TMTC2: variants seen among roughly 807,000 people sequenced by gnomAD.
TMTC2 encodes the protein protein O-mannosyl-transferase TMTC2.
TMTC2 carries 43 observed loss-of-function variants against 82.4 expected under a neutral mutation model. The observed-to-expected ratio is 0.52, with a 90% CI of 0.41 to 0.67. TMTC2 has a LOEUF of 0.67. TMTC2 is among the 30% of genes least tolerant of loss of function. TMTC2 has a pLI of 0.00. For missense variants in TMTC2, 919 were observed against 1,012.4 expected (o/e 0.91, Z 1.25); for synonymous variants, 408 against 381.9 (o/e 1.07, Z -0.80).
At chr12:82,910,469 T>C (rs2137207919) in intron 3 of TMTC2, among the ~76,000 whole-genome samples, 1 of 152,276 alleles carries the variant, frequency 6.6e-6, no homozygotes, top group East Asian at 1.9e-4. Flanking sequence ...TACAGTATGC[T>C]CCTTTAGTTT....
intron 9 of TMTC2, among the ~76,000 whole-genome samples, chr12:83,039,045 C>A (rs1176663640): frequency 6.6e-6 from 1 of 151,344 alleles, no homozygotes; most frequent in South Asian, 2.1e-4. Context: ...GATTCTCCAG[C>A]CTTAGCTTCC....
chr12:82,976,551 T>C (rs1214740904), intron 7 of TMTC2, among the ~76,000 whole-genome samples: 1 of 152,084 alleles, frequency 6.6e-6, no homozygotes, highest in African/African-American at 2.4e-5. Context: ...AATTAAGACT[T>C]GGATAATATT....
chr12:82,720,286 G>A (rs1367016050), intron 1 of TMTC2, among the ~76,000 whole-genome samples: 1 of 152,074 alleles, frequency 6.6e-6, no homozygotes, highest in Non-Finnish European at 1.5e-5. Context: ...AAGTTTGCAT[G>A]TTTTAGAATA....
chr12:82,693,611 T>G (rs1208674889), intron 1 of TMTC2, among the ~76,000 whole-genome samples: 1 of 152,170 alleles, frequency 6.6e-6, no homozygotes, highest in Non-Finnish European at 1.5e-5. Flanking sequence ...CTTCCTCTCT[T>G]TTTCTCCTCT....
chr12:82,757,986 AT>A (rs1876430996), intron 1 of TMTC2, among the ~76,000 whole-genome samples: 1 of 152,302 alleles, frequency 6.6e-6, no homozygotes, highest in Admixed American at 6.5e-5. Flanking sequence ...ACCCTTGACT[AT>A]TTTTGGCAGA....
At chr12:82,829,493 T>C (rs988495818) in intron 1 of TMTC2, among the ~76,000 whole-genome samples, 10 of 152,170 alleles carry the variant, frequency 6.6e-5, no homozygotes, top group African/African-American at 2.4e-4. Context: ...ATCCAAATTG[T>C]TGGTTTTTGT....
At chr12:82,728,007 C>T (rs1030623143) in intron 1 of TMTC2, among the ~76,000 whole-genome samples, 2 of 152,152 alleles carry the variant, frequency 1.3e-5, no homozygotes, top group Non-Finnish European at 2.9e-5. Flanking sequence ...AGGTCCCTTA[C>T]ATCGTGGCAG....
At chr12:82,887,896 A>G (rs921251623) in intron 2 of TMTC2, among the ~76,000 whole-genome samples, 6 of 152,142 alleles carry the variant, frequency 3.9e-5, no homozygotes, top group Non-Finnish European at 8.8e-5. Flanking sequence ...CCTGACCAAC[A>G]TGGAGAAACT....
At chr12:83,077,777 A>G (rs1484434338) in intron 11 of TMTC2, among the ~76,000 whole-genome samples, 1 of 150,686 alleles carries the variant, frequency 6.6e-6, no homozygotes, top group Non-Finnish European at 1.5e-5. Context: ...GTTTCACCAC[A>G]TTGGCCAGGA....
chr12:83,088,399 A>G (rs1450079695), intron 11 of TMTC2, among the ~76,000 whole-genome samples: 3 of 152,190 alleles, frequency 2.0e-5, no homozygotes, highest in Non-Finnish European at 2.9e-5. Flanking sequence ...TTTGCTAACT[A>G]TTTGATACAG....
rs186679442 is a variant in TMTC2 at position 82,836,337 on chromosome 12, A to G, written c.84-20673A>G. Among the ~76,000 whole-genome samples the G allele has an allele frequency of 2.6e-3, 397 of 152,316 alleles. 1 individual carries two copies. Among genetic ancestry groups the G allele is most frequent in the African/African-American group, 9.2e-3 (383 of 41,568 alleles). On this transcript the variant is annotated intron_variant, in intron 1 of 11. Coordinates refer to ENST00000321196, the MANE Select transcript of TMTC2 (RefSeq NM_152588.3). ...ATATGATTGAATTAAGAACCTTAAA[A>G]TTGAATATTATCCTGGATTATCTGG...
At chr12:82,750,291 G>C (rs547307260) in intron 1 of TMTC2, among the ~76,000 whole-genome samples, 1 of 149,232 alleles carries the variant, frequency 6.7e-6, no homozygotes, top group African/African-American at 2.5e-5. Context: ...TTTCTACAAT[G>C]CTGGCCATAT....
intron 2 of TMTC2, among the ~76,000 whole-genome samples, chr12:82,883,926 C>G (rs1487162542): frequency 6.6e-6 from 1 of 152,064 alleles, no homozygotes; most frequent in Non-Finnish European, 1.5e-5. Flanking sequence ...AGGATATTTT[C>G]TTCACATATT....
intron 1 of TMTC2, among the ~76,000 whole-genome samples, chr12:82,751,514 G>A (rs1876004926): frequency 1.3e-5 from 2 of 151,936 alleles, no homozygotes; most frequent in South Asian, 4.1e-4. Flanking sequence ...TGGTGCACAT[G>A]TATACTAAAA....
intron 11 of TMTC2, among the ~76,000 whole-genome samples, chr12:83,085,546 C>G (rs1883623915): frequency 1.3e-5 from 2 of 151,896 alleles, no homozygotes; most frequent in South Asian, 4.1e-4. Flanking sequence ...AAACATTGCC[C>G]TCTGTGCTAT....
intron 4 of TMTC2, among the ~76,000 whole-genome samples, chr12:82,955,672 G>A (rs548369903): frequency 1.3e-5 from 2 of 152,214 alleles, no homozygotes; most frequent in East Asian, 3.9e-4. Context: ...TTAGGTCTTA[G>A]AAATAGTAGT....
chr12:82,837,799 A>G (rs1190595719), intron 1 of TMTC2, among the ~76,000 whole-genome samples: 1 of 152,210 alleles, frequency 6.6e-6, no homozygotes, highest in East Asian at 1.9e-4. Context: ...ATTGTGTATT[A>G]TTCTTTTAGG....
intron 8 of TMTC2, chr12:83,022,052 A>G (rs1338551722): frequency 6.6e-6 from 1 of 152,110 alleles, no homozygotes; most frequent in African/African-American, 2.4e-5. Flanking sequence ...CAATATGAGT[A>G]AAAGCAACAT....
At chr12:82,783,240 T>C (rs1363197332) in intron 1 of TMTC2, among the ~76,000 whole-genome samples, 1 of 150,534 alleles carries the variant, frequency 6.6e-6, no homozygotes, top group Non-Finnish European at 1.5e-5. Flanking sequence ...AGGTGCTGGG[T>C]AGGTTTAAAT....
Sources: allele counts gnomAD v4.1 joint callset (sites outside exome capture counted in the v4.1 genomes callset), GRCh38; gene constraint gnomAD v4.1.1; transcripts MANE v1.5; gene names NCBI Gene and HGNC (gene_info 2026-07-23, HGNC 2026-07-21).